The following SHF variants were observed in gnomAD, a reference collection of about 807,000 sequenced individuals.
The protein encoded by SHF is Src homology 2 domain containing F.
In SHF, 30 loss-of-function variants were observed where a neutral mutation model predicts 42.4. The ratio of observed to expected loss-of-function variants is 0.71; its 90% confidence interval spans 0.53 to 0.96. The LOEUF is 0.96. SHF is among the 40% of genes least tolerant of loss of function. The pLI, the probability that SHF is intolerant of heterozygous loss-of-function variation, is 0.00. For synonymous variants in SHF, 264 were observed against 269.9 expected (o/e 0.98, Z 0.21); for missense variants, 598 against 634.0 (o/e 0.94, Z 0.61).
chr15:45,194,494 G>C lies in SHF; in HGVS notation c.303+4278C>G, dbSNP rs1898806741. Among the ~76,000 whole-genome samples, 7 of 152,146 alleles carry C rather than the reference G, an allele frequency of 4.6e-5. No homozygotes were observed. The South Asian group carries it at 1.5e-3, about 32-fold the overall frequency. ...AGCCTCCTTAGTAGCTGAGGTTACA[G>C]GTCCCTGCCACCACACCCAGCTAAT... On this transcript the variant is annotated intron_variant, in intron 2 of 7. Transcript: ENST00000290894.
chr15:45,178,311 G>A lies in SHF; in HGVS notation c.499-5C>T. On this transcript the variant is annotated splice_region_variant and splice_polypyrimidine_tract_variant and intron_variant, in intron 1 of 6. Coordinates refer to ENST00000690270, the MANE Select transcript of SHF (RefSeq NM_001394037.1). Reference sequence around the variant, plus strand: ...ATAGTCTTCTAGGATAGCTAGCTGTGGGAGGAGAGTGAAGAGAGTGGGCTT... The same window carrying A: ...ATAGTCTTCTAGGATAGCTAGCTGTAGGAGGAGAGTGAAGAGAGTGGGCTT... 1 of 1,612,214 alleles carries A rather than the reference G, an allele frequency of 6.2e-7. No homozygotes were observed. Among genetic ancestry groups the A allele is most frequent in the Non-Finnish European group, 8.5e-7 (1 of 1,179,094 alleles).
intron 1 of SHF, among the ~76,000 whole-genome samples, chr15:45,180,851 C>T (rs1392190278): frequency 6.6e-6 from 1 of 152,212 alleles, no homozygotes; most frequent in Non-Finnish European, 1.5e-5. Flanking sequence ...ACAGTGTTAA[C>T]TCCATTCACA....
chr15:45,187,997 GC>G (rs1898560745), upstream of SHF: 1 of 668,762 alleles, frequency 1.5e-6, no homozygotes, highest in Non-Finnish European at 2.0e-6. Context: ...CGGGTGGGGG[GC>G]GGGGGCGGGG....
In SHF at chr15:45,175,421, GATCT is replaced by G; in HGVS notation, c.641_644del (p.Glu214AlafsTer151). Reference sequence around the variant, plus strand: ...GAGTTGCTGTCTCCTTGGAGCCCCGGATCTCTGCCGGAGCAGGGCAGGAAGGGAA... The same window carrying G: ...GAGTTGCTGTCTCCTTGGAGCCCCGGCTGCCGGAGCAGGGCAGGAAGGGAA... On this transcript the variant is annotated frameshift_variant and splice_region_variant, in exon 3 of 7. Transcript: ENST00000690270. LOFTEE classifies it high-confidence loss of function. 1 of 1,578,308 alleles carries G rather than the reference GATCT, an allele frequency of 6.3e-7. No individual in the cohort carries two copies. The highest frequency in any genetic ancestry group is 1.2e-5 in the South Asian group (1 of 86,124).
rs8034022 is a variant in SHF, at chr15:45,178,105, C to A, written c.640+60G>T. 3 of 1,559,572 alleles carry A rather than the reference C, an allele frequency of 1.9e-6. No individual in the cohort carries two copies. The African/African-American group carries it at 4.1e-5, about 21-fold the overall frequency. The stretch of plus-strand genomic sequence containing the variant: ...AATCAGTCCTTAGACTTGTGAGTCG[C>A]AAAGCCTGTTCTGCAGAGCCCAGGC... On this transcript the variant is annotated intron_variant, in intron 2 of 6. Coordinates refer to ENST00000690270, the MANE Select transcript of SHF (RefSeq NM_001394037.1).
intron 6 of SHF, among the ~76,000 whole-genome samples, chr15:45,169,518 A>G (rs1897365697): frequency 6.6e-6 from 1 of 152,150 alleles, no homozygotes; most frequent in Non-Finnish European, 1.5e-5. Flanking sequence ...TGAGGCAAAC[A>G]GCCCCTGTGG....
At chr15:45,177,601 A>G (rs1271537090) in intron 2 of SHF, among the ~76,000 whole-genome samples, 1 of 152,078 alleles carries the variant, frequency 6.6e-6, no homozygotes, top group East Asian at 1.9e-4. Flanking sequence ...TTTGCTCCTG[A>G]ACAAACTTCC....
At chr15:45,198,218 G>A (rs1454048530) in intron 2 of SHF, among the ~76,000 whole-genome samples, 1 of 152,070 alleles carries the variant, frequency 6.6e-6, no homozygotes, top group East Asian at 1.9e-4. Flanking sequence ...AGGCTGCAGT[G>A]AACCAAGATC....
At chr15:45,200,657 C>T (rs562413014) in intron 1 of SHF, 17 of 451,806 alleles carry the variant, frequency 3.8e-5, no homozygotes, top group African/African-American at 3.4e-4. Flanking sequence ...TTTTGGTCCA[C>T]ACTTGCCTGC....
Position 45,198,115 on chromosome 15 carries a change from C to CA in SHF, c.303+656dup, listed in dbSNP as rs113923205. Among the ~76,000 whole-genome samples the CA allele has an allele frequency of 6.2e-3, 935 of 150,842 alleles. 6 individuals carry two copies. The highest frequency in any genetic ancestry group is 0.021 in the African/African-American group (868 of 41,130). ...TTTTTTTTAAAATTAAAAAAACAAA[C>CA]AAAAAAAAATTATCCGAGCATGGTG... On this transcript the variant is annotated intron_variant, in intron 2 of 7. Coordinates refer to the SHF transcript ENST00000290894.
At chr15:45,192,239 T>C (rs1320923455), upstream of SHF, among the ~76,000 whole-genome samples, 2 of 150,430 alleles carry the variant, frequency 1.3e-5, no homozygotes, top group Admixed American at 6.6e-5. Context: ...GTGTCTTTTA[T>C]AGTTTTTTTC....
intron 1 of SHF, among the ~76,000 whole-genome samples, chr15:45,185,513 G>A (rs755898058): frequency 8.5e-5 from 13 of 152,210 alleles, no homozygotes; most frequent in South Asian, 2.1e-4. Context: ...TCCCTGCCCC[G>A]GGCCAACTCA....
At chr15:45,171,474 A>C in intron 6 of SHF, 1 of 193,042 alleles carries the variant, frequency 5.2e-6, no homozygotes, top group Non-Finnish European at 1.1e-5. Flanking sequence ...CTCCTTGCCT[A>C]TGCTTCTAGA....
At chr15:45,183,708 C>T (rs1265412503) in intron 1 of SHF, among the ~76,000 whole-genome samples, 1 of 152,230 alleles carries the variant, frequency 6.6e-6, no homozygotes, top group Admixed American at 6.5e-5. Flanking sequence ...TCCCAAGAGG[C>T]AAAGTGCCAG....
intron 3 of SHF, among the ~76,000 whole-genome samples, chr15:45,174,999 G>T (rs1897722264): frequency 1.3e-5 from 2 of 152,152 alleles, no homozygotes; most frequent in South Asian, 4.1e-4. Context: ...TGATGCAGGG[G>T]AATGCCTTCA....
intron 1 of SHF, chr15:45,200,598 C>T: frequency 5.1e-6 from 2 of 395,144 alleles, no homozygotes; most frequent in Non-Finnish European, 5.1e-6. Context: ...TATCTCCACC[C>T]TCGCAGCCAT....
intron 1 of SHF, among the ~76,000 whole-genome samples, chr15:45,181,612 C>T (rs906032337): frequency 3.3e-5 from 5 of 152,202 alleles, no homozygotes; most frequent in South Asian, 2.1e-4. Context: ...TACTAAGGGA[C>T]GCTCAACAGG....
At position 45,167,583 on chromosome 15, in the gene SHF, C is replaced by T. The variant is rs1465208670; in HGVS notation, c.*364G>A. The T allele has an allele frequency of 1.2e-5, 2 of 172,900 alleles. No homozygotes were observed. Among genetic ancestry groups the T allele is most frequent in the Non-Finnish European group, 2.4e-5 (2 of 82,304 alleles). The allele number at this position is 172,900 out of a possible 1,614,324, so 10.7% of individuals were successfully genotyped here. ...CCCAAGGGGCCGAATTCTGCACTAC[C>T]TCGCACGGACCCAGTGGGGAGAGGG... On this transcript the variant is annotated 3_prime_UTR_variant, in exon 7 of 7. Transcript: ENST00000690270.
intron 2 of SHF, chr15:45,198,438 T>C: frequency 3.8e-6 from 1 of 261,256 alleles, no homozygotes; most frequent in Non-Finnish European, 7.3e-6. Flanking sequence ...TGAAGCTGTA[T>C]CAGAGCATTA....
Sources: allele counts gnomAD v4.1 joint callset (sites outside exome capture counted in the v4.1 genomes callset), GRCh38; gene constraint gnomAD v4.1.1; transcripts MANE v1.5; gene names NCBI Gene and HGNC (gene_info 2026-07-23, HGNC 2026-07-21).